The following NCKAP5 variants were observed in gnomAD, a reference collection of about 807,000 sequenced individuals.
NCKAP5 encodes the protein NCK associated protein 5.
Under a neutral mutation model 167.0 loss-of-function variants are expected in NCKAP5, and 92 were observed. The observed-to-expected ratio is 0.55, with a 90% CI of 0.47 to 0.66. NCKAP5 has a LOEUF of 0.66. Among genes scored for constraint, NCKAP5 ranks in the 30% least tolerant of loss-of-function variants. NCKAP5 has a pLI of 0.00. For missense variants in NCKAP5, 2,378 were observed against 2,315.0 expected (o/e 1.03, Z -0.56); for synonymous variants, 891 against 877.4 (o/e 1.02, Z -0.27).
chr2:132,951,000 G>A (rs981503766), intron 8 of NCKAP5, among the ~76,000 whole-genome samples: 21 of 152,260 alleles, frequency 1.4e-4, no homozygotes, highest in African/African-American at 4.6e-4. Context: ...ATGAGACAAA[G>A]GTAAGGGAAA....
At chr2:133,492,218 T>G (rs1681526452) in intron 3 of NCKAP5, among the ~76,000 whole-genome samples, 1 of 146,948 alleles carries the variant, frequency 6.8e-6, no homozygotes, top group Non-Finnish European at 1.5e-5. Flanking sequence ...AATACGGGCT[T>G]TGGAGTCAAG....
chr2:133,466,618 G>A (rs1212103097), intron 3 of NCKAP5, among the ~76,000 whole-genome samples: 11 of 152,102 alleles, frequency 7.2e-5, no homozygotes, highest in East Asian at 5.8e-4. Context: ...CCATTTTCAC[G>A]ATATTGATTC....
intron 3 of NCKAP5, among the ~76,000 whole-genome samples, chr2:133,391,639 C>T (rs1045808141): frequency 6.6e-6 from 1 of 152,196 alleles, no homozygotes; most frequent in East Asian, 1.9e-4. Context: ...TCCCCGCACT[C>T]ATCCTCTAAA....
chr2:133,546,698 CAA>C (rs951069412), intron 2 of NCKAP5, among the ~76,000 whole-genome samples: 1 of 151,652 alleles, frequency 6.6e-6, no homozygotes, highest in Non-Finnish European at 1.5e-5. Context: ...AAAACAACAA[CAA>C]AAAAAACACT....
chr2:132,730,204 G>A (rs1690856851), intron 17 of NCKAP5, among the ~76,000 whole-genome samples: 1 of 152,088 alleles, frequency 6.6e-6, no homozygotes, highest in Non-Finnish European at 1.5e-5. Flanking sequence ...AATTAAGATA[G>A]AACCCAAAGC....
the NCKAP5 span, among the ~76,000 whole-genome samples, chr2:133,669,408 C>T: frequency 6.6e-6 from 1 of 152,036 alleles, no homozygotes; most frequent in Admixed American, 6.6e-5. Context: ...TACTTCTTTT[C>T]CCCCCTATCA....
intron 5 of NCKAP5, among the ~76,000 whole-genome samples, chr2:133,209,184 G>A (rs992244318): frequency 6.6e-6 from 1 of 151,814 alleles, no homozygotes; most frequent in Admixed American, 6.6e-5. Flanking sequence ...ACACTGAAGT[G>A]TTAAGGACAG....
intron 15 of NCKAP5, among the ~76,000 whole-genome samples, chr2:132,777,534 C>G (rs1362438921): frequency 6.6e-6 from 1 of 152,034 alleles, no homozygotes; most frequent in Non-Finnish European, 1.5e-5. Flanking sequence ...GATGTCAAAG[C>G]TCATTTGAAA....
At chr2:133,413,807 A>T (rs1216546525) in intron 3 of NCKAP5, among the ~76,000 whole-genome samples, 1 of 152,124 alleles carries the variant, frequency 6.6e-6, no homozygotes. Flanking sequence ...TACAATCTTC[A>T]TTTTGCCCCC....
At chr2:133,537,102 TGAC>T (rs1322013659) in intron 2 of NCKAP5, among the ~76,000 whole-genome samples, 1 of 152,066 alleles carries the variant, frequency 6.6e-6, no homozygotes, top group Non-Finnish European at 1.5e-5. Context: ...AAAAGTCTAT[TGAC>T]TATAAGTGAG....
At chr2:133,186,502 A>AT (rs1323289613) in intron 5 of NCKAP5, among the ~76,000 whole-genome samples, 1 of 152,028 alleles carries the variant, frequency 6.6e-6, no homozygotes, top group African/African-American at 2.4e-5. Flanking sequence ...CTGCTCCTCA[A>AT]TTTTTTGGAA....
intron 5 of NCKAP5, among the ~76,000 whole-genome samples, chr2:133,139,166 T>C (rs1044301724): frequency 2.0e-5 from 3 of 152,208 alleles, no homozygotes; most frequent in Non-Finnish European, 4.4e-5. Flanking sequence ...TCTCTTCTAA[T>C]CATTGGAAGG....
At chr2:132,757,181 T>A (rs550879735) in intron 16 of NCKAP5, among the ~76,000 whole-genome samples, 4 of 152,210 alleles carry the variant, frequency 2.6e-5, no homozygotes, top group African/African-American at 4.8e-5. Flanking sequence ...TCCTTTTATC[T>A]GATCCTGTGC....
chr2:133,324,109 T>C (rs1210471645), intron 3 of NCKAP5, among the ~76,000 whole-genome samples: 1 of 152,132 alleles, frequency 6.6e-6, no homozygotes, highest in Non-Finnish European at 1.5e-5. Flanking sequence ...ACAACCAAAG[T>C]CTGAGATGAA....
In NCKAP5 at chr2:132,899,508, C is replaced by T. The variant is rs187090432; in HGVS notation, c.580-20592G>A. ...ACTTGGCTGTTTGGGGCATGAGGCC[C>T]GGCTTTCAGCCTGTCTTGGCTTTTG... On this transcript the variant is annotated intron_variant, in intron 8 of 19. Coordinates refer to ENST00000409261, the MANE Select transcript of NCKAP5 (RefSeq NM_207363.3). Among the ~76,000 whole-genome samples the T allele has an allele frequency of 1.6e-3, 238 of 152,370 alleles. 1 individual carries two copies. Among genetic ancestry groups the T allele is most frequent in the Non-Finnish European group, 2.9e-3 (199 of 68,034 alleles).
chr2:133,379,598 G>A (rs186353281), intron 3 of NCKAP5, among the ~76,000 whole-genome samples: 3 of 152,124 alleles, frequency 2.0e-5, no homozygotes, highest in Non-Finnish European at 4.4e-5. Flanking sequence ...GCTCCATGTG[G>A]ACAGGAACCA....
At chr2:133,491,084 A>T in intron 3 of NCKAP5, among the ~76,000 whole-genome samples, 1 of 152,338 alleles carries the variant, frequency 6.6e-6, no homozygotes, top group East Asian at 1.9e-4. Context: ...GTGATCTCAC[A>T]TTCATCTATG....
At chr2:132,805,867 G>C (rs7557503) in intron 11 of NCKAP5, among the ~76,000 whole-genome samples, 94,642 of 151,670 alleles carry the variant, frequency 0.62, 30,996 homozygotes, top group East Asian at 0.9. Flanking sequence ...GAATTTGGTG[G>C]ACTCATCACC....
chr2:133,652,621 T>C, the NCKAP5 span, among the ~76,000 whole-genome samples: 1 of 152,240 alleles, frequency 6.6e-6, no homozygotes, highest in African/African-American at 2.4e-5. Context: ...TTTATATAGC[T>C]GTCAAGCTGT....
Sources: allele counts gnomAD v4.1 joint callset (sites outside exome capture counted in the v4.1 genomes callset), GRCh38; gene constraint gnomAD v4.1.1; transcripts MANE v1.5; gene names NCBI Gene and HGNC (gene_info 2026-07-23, HGNC 2026-07-21).